Variants in RHOU observed in about 807,000 individuals in gnomAD.
The protein encoded by RHOU is rho-related GTP-binding protein RhoU.
Under a neutral mutation model 12.6 loss-of-function variants are expected in RHOU, and 8 were observed. The observed-to-expected ratio is 0.64, with a 90% CI of 0.37 to 1.15. The LOEUF is 1.15. Among genes scored for constraint, RHOU ranks in the 50% most tolerant of loss-of-function variants. The pLI is 0.01. For synonymous variants in RHOU, 161 were observed against 147.4 expected, an observed-to-expected ratio of 1.09 and a Z score of -0.67; for missense variants, 258 against 347.0, an observed-to-expected ratio of 0.74 and a Z score of 2.04.
chr1:228,687,761 C>T, the RHOU span: 17 of 1,394,044 alleles, frequency 1.2e-5, no homozygotes, highest in Middle Eastern at 2.5e-4. Flanking sequence ...TGGGAGCGCC[C>T]GAATCTGGCT....
In RHOU at chr1:228,743,564, A is replaced by C; in HGVS notation, c.601A>C (p.Ile201Leu). 1 of 1,614,198 alleles carries C rather than the reference A, an allele frequency of 6.2e-7. No homozygotes were observed. The highest frequency in any genetic ancestry group is 2.2e-5 in the East Asian group (1 of 44,880). The change falls in exon 3 of 3, where the codon ATC (isoleucine) becomes CTC (leucine). Residue 201 changes from isoleucine to leucine, a missense_variant. Coordinates refer to ENST00000366691, the MANE Select transcript of RHOU (RefSeq NM_021205.6). The surrounding 1 kb of genome is among the most constrained non-coding windows in gnomAD (Gnocchi z 5.1). Reference sequence around the variant, plus strand: ...CGAGGAAATCAAAGCCGCCTCCTACATCGAGTGTTCAGCCTTGACTCAAAA... The same window carrying C: ...CGAGGAAATCAAAGCCGCCTCCTACCTCGAGTGTTCAGCCTTGACTCAAAA... Reference protein sequence around the residue: ...CAEEIKAASYIECSALTQKNL... With the variant: ...CAEEIKAASYLECSALTQKNL...
At chr1:228,682,905 G>T in the RHOU span, among the ~76,000 whole-genome samples, 5 of 152,200 alleles carry the variant, frequency 3.3e-5, no homozygotes, top group Non-Finnish European at 5.9e-5. Context: ...TTGAGTCAGA[G>T]CAATGGAGAT....
Position 228,743,634 on chromosome 1 carries a change from A to G in RHOU, c.671A>G (p.Gln224Arg), listed in dbSNP as rs566441527. The G allele has an allele frequency of 1.9e-5, 30 of 1,614,212 alleles. No homozygotes were observed. The East Asian group carries it at 6.0e-4, about 32-fold the overall frequency. ...GATGCAGCCATCGTCGCTGGCATTC[A>G]ATACTCGGACACTCAGCAACAGCCA... ...VFDAAIVAGIQYSDTQQQPKK... is the reference protein window; with the variant it reads ...VFDAAIVAGIRYSDTQQQPKK... Residue 224 changes from glutamine to arginine, a missense_variant, in exon 3 of 3, where the codon CAA (glutamine) becomes CGA (arginine). Transcript: ENST00000366691. This position sits in a 1 kb window ranked among gnomAD's most constrained non-coding sequence, Gnocchi z 5.1.
chr1:228,650,864 A>T, the RHOU span: 183 of 398,280 alleles, frequency 4.6e-4, no homozygotes, highest in South Asian at 3.6e-3. Context: ...CCCCTTGTGG[A>T]CCTGGCTGTG....
the RHOU span, among the ~76,000 whole-genome samples, chr1:228,728,331 A>T: frequency 2.6e-5 from 4 of 152,194 alleles, no homozygotes; most frequent in African/African-American, 9.7e-5. Context: ...TTCTTCCAGA[A>T]CTGATGCATA....
rs906428984 is a variant in RHOU, at chr1:228,743,596, C to T, written c.633C>T (p.Leu211=). The T allele has an allele frequency of 6.2e-7, 1 of 1,614,092 alleles. No individual in the cohort carries two copies. Among genetic ancestry groups the T allele is most frequent in the Non-Finnish European group, 8.5e-7 (1 of 1,180,048 alleles). The change falls in exon 3 of 3, where the codon CTC becomes CTT. Residue 211 remains leucine, a synonymous_variant. Coordinates refer to ENST00000366691, the MANE Select transcript of RHOU (RefSeq NM_021205.6). This position sits in a 1 kb window ranked among gnomAD's most constrained non-coding sequence, Gnocchi z 5.1. ...IECSALTQKN[L]KEVFDAAIVA... ...GTTCAGCCTTGACTCAAAAAAACCT[C>T]AAAGAGGTCTTTGATGCAGCCATCG...
At position 228,737,889 on chromosome 1, in the gene RHOU, C is replaced by T. The variant is rs1398561679; in HGVS notation, c.321+158C>T. On this transcript the variant is annotated intron_variant, in intron 2 of 2. Coordinates refer to ENST00000366691, the MANE Select transcript of RHOU (RefSeq NM_021205.6). This position sits in a 1 kb window ranked among gnomAD's most constrained non-coding sequence, Gnocchi z 4.1. The stretch of plus-strand genomic sequence containing the variant: ...GCCCTTCTCTGAGGGTGGGCAGGGG[C>T]CAGGTTATTGGCCGGCAGGAAGCAG... Among the ~76,000 whole-genome samples the T allele has an allele frequency of 7.9e-6, 1 of 127,066 alleles. No individual in the cohort carries two copies. Among genetic ancestry groups the T allele is most frequent in the Non-Finnish European group, 1.6e-5 (1 of 61,978 alleles). 83.4% of individuals were successfully genotyped at this position (127,066 alleles called of 152,430 possible). A position where few individuals can be genotyped will look rare whatever the true frequency, so the allele number is the denominator to read the frequency against.
upstream of RHOU, chr1:228,735,445 C>CA (rs1298369317): frequency 4.8e-6 from 1 of 208,138 alleles, no homozygotes; most frequent in Non-Finnish European, 9.5e-6. The surrounding 1 kb of genome is among the most constrained non-coding windows in gnomAD (Gnocchi z 8.1). Flanking sequence ...GCCCGCCCCC[C>CA]ACGCGTCGTG....
the RHOU span, among the ~76,000 whole-genome samples, chr1:228,656,751 G>A: frequency 4.6e-5 from 7 of 152,118 alleles, no homozygotes; most frequent in Non-Finnish European, 1.0e-4. Context: ...TACAACAGAA[G>A]ATGGTAATGC....
the RHOU span, among the ~76,000 whole-genome samples, chr1:228,682,293 G>T: frequency 6.6e-6 from 1 of 152,216 alleles, no homozygotes; most frequent in Non-Finnish European, 1.5e-5. Context: ...CGGAGTGAGG[G>T]TGAGGACAGG....
At chr1:228,676,609 A>G in the RHOU span, among the ~76,000 whole-genome samples, 6 of 152,238 alleles carry the variant, frequency 3.9e-5, no homozygotes, top group Non-Finnish European at 7.3e-5. Flanking sequence ...TGTGTGAGCA[A>G]CAAGGCTGTT....
At chr1:228,675,647 A>G in the RHOU span, among the ~76,000 whole-genome samples, 1 of 152,234 alleles carries the variant, frequency 6.6e-6, no homozygotes, top group Non-Finnish European at 1.5e-5. Context: ...TGATGTTTTT[A>G]AAAGGCTATT....
At chr1:228,707,251 A>ACAGTG in the RHOU span, among the ~76,000 whole-genome samples, 1 of 96,636 alleles carries the variant, frequency 1.0e-5, no homozygotes, top group East Asian at 2.8e-4. Context: ...ATATATATAT[A>ACAGTG]TATAGTGTGT....
chr1:228,693,081 A>C, the RHOU span, among the ~76,000 whole-genome samples: 1 of 152,232 alleles, frequency 6.6e-6, no homozygotes, highest in Non-Finnish European at 1.5e-5. Context: ...TAACAAGATA[A>C]ACAAGTATTC....
the RHOU span, among the ~76,000 whole-genome samples, chr1:228,647,210 T>C: frequency 6.6e-6 from 1 of 152,156 alleles, no homozygotes; most frequent in African/African-American, 2.4e-5. Context: ...AGACGGGTTT[T>C]TTCTTGGATG....
chr1:228,654,297 A>T, the RHOU span, among the ~76,000 whole-genome samples: 1 of 151,966 alleles, frequency 6.6e-6, no homozygotes, highest in African/African-American at 2.4e-5. Flanking sequence ...TTTATAGATG[A>T]TGTGTCTCTT....
At position 228,737,838 on chromosome 1, in the gene RHOU, A is replaced by T; in HGVS notation, c.321+107A>T. 1.6e-6 allele frequency: 2 copies of T among 1,227,422 alleles called. No individual in the cohort carries two copies. Among genetic ancestry groups the T allele is most frequent in the Non-Finnish European group, 1.2e-6 (1 of 846,526 alleles). The allele number at this position is 1,227,422 out of a possible 1,614,324, so 76.0% of individuals were successfully genotyped here. A position where few individuals can be genotyped will look rare whatever the true frequency, so the allele number is the denominator to read the frequency against. ...AGTAACTGGGTCATTCTAAAGCCTC[A>T]TGAAGTGGACCCACCCCTGCTGTTG... On this transcript the variant is annotated intron_variant, in intron 2 of 2. Coordinates refer to ENST00000366691, the MANE Select transcript of RHOU (RefSeq NM_021205.6). The surrounding 1 kb of genome is among the most constrained non-coding windows in gnomAD (Gnocchi z 4.1).
the RHOU span, among the ~76,000 whole-genome samples, chr1:228,666,972 A>T: frequency 6.6e-6 from 1 of 152,290 alleles, no homozygotes; most frequent in East Asian, 1.9e-4. Flanking sequence ...TGCCTCATCT[A>T]GCAAGGCAAT....
rs201194545 is a variant in RHOU at position 228,737,860 on chromosome 1, G to A, written c.321+129G>A. On this transcript the variant is annotated intron_variant, in intron 2 of 2. Transcript: ENST00000366691. This position sits in a 1 kb window ranked among gnomAD's most constrained non-coding sequence, Gnocchi z 4.1. ...CTCATGAAGTGGACCCACCCCTGCT[G>A]TTGGCCCTTCTCTGAGGGTGGGCAG... 3 of 975,260 alleles carry A rather than the reference G, an allele frequency of 3.1e-6. No homozygotes were observed. The highest frequency in any genetic ancestry group is 2.8e-5 in the South Asian group (2 of 71,014). 60.4% of individuals were successfully genotyped at this position (975,260 alleles called of 1,614,324 possible). A position where few individuals can be genotyped will look rare whatever the true frequency, so the allele number is the denominator to read the frequency against.
Sources: allele counts gnomAD v4.1 joint callset (sites outside exome capture counted in the v4.1 genomes callset), GRCh38; gene constraint gnomAD v4.1.1; non-coding constraint Gnocchi (gnomAD v3.1); transcripts MANE v1.5; gene names NCBI Gene and HGNC (gene_info 2026-07-23, HGNC 2026-07-21).